Variants in WASHC4 observed in about 807,000 individuals in gnomAD.
WASHC4 encodes WASH complex subunit 4.
In WASHC4, 86 loss-of-function variants were observed where a neutral mutation model predicts 166.6. The observed-to-expected ratio is 0.52, with a 90% confidence interval of 0.43 to 0.62. WASHC4 has a LOEUF of 0.62. Ranked by LOEUF, WASHC4 falls within the 20% of genes least tolerant of loss-of-function variation. The pLI is 0.00. For synonymous variants in WASHC4, 446 were observed against 451.6 expected (o/e 0.99, Z 0.16); for missense variants, 1,262 against 1,382.4 (o/e 0.91, Z 1.38).
rs1305104406 is a variant in WASHC4, at chr12:105,164,158, T to G, written c.3205T>G (p.Ser1069Ala). 1 of 1,614,166 alleles carries G rather than the reference T, an allele frequency of 6.2e-7. No individual in the cohort carries two copies. Among genetic ancestry groups the G allele is most frequent in the East Asian group, 2.2e-5 (1 of 44,870 alleles). The change falls in exon 31 of 33, where the codon TCA becomes GCA. Residue 1069 changes from serine to alanine, a missense_variant. By Grantham distance (99) the Ser-to-Ala change is moderately conservative (BLOSUM62 1). Transcript: ENST00000332180. ...TTTGGATCAGTATCGGGAGTTTGAT[T>G]CACTTCACTGGTTCCAGTCTGTTAG... is the stretch of plus-strand genomic sequence containing the variant. ...KLLDQYREFD[S>A]LHWFQSVREK...
intron 29 of WASHC4, among the ~76,000 whole-genome samples, chr12:105,161,915 A>G (rs1331357523): frequency 8.5e-5 from 13 of 152,254 alleles, no homozygotes; most frequent in Non-Finnish European, 1.3e-4. Context: ...TCATAAAATT[A>G]AAATCATAAG....
At chr12:105,144,593 T>G (rs1592896607) in intron 21 of WASHC4, 125 bp from the exon 22 acceptor site, 1 of 1,155,448 alleles carries the variant, frequency 8.7e-7, no homozygotes, top group Non-Finnish European at 1.2e-6. Flanking sequence ...TTTCTCATTT[T>G]TATTAATACC....
rs1365234013 is a variant in WASHC4 at position 105,168,241 on chromosome 12, C to T, written c.*1310C>T. The T allele has an allele frequency of 2.0e-5, 3 of 152,168 alleles. No individual in the cohort carries two copies. Among genetic ancestry groups the T allele is most frequent in the East Asian group, 3.9e-4 (2 of 5,190 alleles). 9.4% of individuals were successfully genotyped at this position (152,168 alleles called of 1,614,324 possible). A position where few individuals can be genotyped will look rare whatever the true frequency, so the allele number is the denominator to read the frequency against. On this transcript the variant is annotated 3_prime_UTR_variant, in exon 33 of 33. Transcript: ENST00000332180. ...GTTAGGGTCAGGGTAACTTGCCAGC[C>T]CAAGATAAATACTTTAATTGTTAAA...
rs35267264 is a variant in WASHC4, at chr12:105,126,095, G to A, written c.878G>A (p.Arg293Gln). ...TFAEEFAHSIRSIFANVEAKL... is the reference protein window; with the variant it reads ...TFAEEFAHSIQSIFANVEAKL... ...GCTGAGGAATTTGCACATAGTATTC[G>A]GTCAATTTTTGCAAATGTAGAAGCC... Residue 293 changes from arginine to glutamine, a missense_variant, in exon 11 of 33, where the codon CGG becomes CAG. By Grantham distance (43) the Arg-to-Gln change is conservative. Coordinates refer to ENST00000332180, the MANE Select transcript of WASHC4 (RefSeq NM_015275.3). 2,768 of 1,612,812 alleles carry A rather than the reference G, an allele frequency of 1.7e-3. 10 individuals carry two copies. Among genetic ancestry groups the A allele is most frequent in the Middle Eastern group, 3.6e-3 (22 of 6,050 alleles).
chr12:105,146,486 A>G lies in WASHC4; in HGVS notation c.2369A>G (p.His790Arg). 1 of 1,603,048 alleles carries G rather than the reference A, an allele frequency of 6.2e-7. No homozygotes were observed. Among genetic ancestry groups the G allele is most frequent in the Non-Finnish European group, 8.5e-7 (1 of 1,170,310 alleles). Residue 790 changes from histidine to arginine, a missense_variant, in exon 23 of 33, where the codon CAT (histidine) becomes CGT (arginine). His to Arg is a conservative substitution (Grantham distance 29). Transcript: ENST00000332180. ...GTTTTAGAAATTATGAGAAACATTC[A>G]TATATTTGTGTCCCGATACCTCTAT... ...LDVLEIMRNI[H>R]IFVSRYLYNL...
intron 7 of WASHC4, among the ~76,000 whole-genome samples, chr12:105,119,973 G>C (rs902294347): frequency 1.3e-5 from 2 of 152,174 alleles, no homozygotes; most frequent in Admixed American, 1.3e-4. Context: ...GCTCATGCCT[G>C]TAATCCCAGC....
Position 105,140,393 on chromosome 12 carries a change from G to T in WASHC4, c.1552G>T (p.Val518Leu), listed in dbSNP as rs1169269307. 2 of 1,606,052 alleles carry T rather than the reference G, an allele frequency of 1.2e-6. No homozygotes were observed. The highest frequency in any genetic ancestry group is 2.2e-5 in the South Asian group (2 of 90,932). ...ACATCAGGCTCTTCATTCTATTTCT[G>T]TGGCCAAGGTATGCAGCTTATTATG... ...LQHQALHSIS[V>L]AKKRVISDKK... Residue 518 changes from valine (V) to leucine (L), a missense_variant, in exon 16 of 33, where the codon GTG becomes TTG. Coordinates refer to ENST00000332180, the MANE Select transcript of WASHC4 (RefSeq NM_015275.3).
chr12:105,140,825 T>C, intron 16 of WASHC4, 74 bp from the exon 17 acceptor site: 2 of 1,401,980 alleles, frequency 1.4e-6, no homozygotes, highest in East Asian at 2.3e-5. Flanking sequence ...ATGGAAAAGA[T>C]AATCAAGAAG....
chr12:105,147,111 A>G lies in WASHC4; in HGVS notation c.2479A>G (p.Ile827Val), dbSNP rs937018087. The G allele has an allele frequency of 2.0e-5, 32 of 1,609,430 alleles. No homozygotes were observed. The highest frequency in any genetic ancestry group is 2.6e-5 in the Non-Finnish European group (31 of 1,175,842). Residue 827 changes from isoleucine to valine, a missense_variant, in exon 24 of 33, where the codon ATT becomes GTT. Transcript: ENST00000332180. ...TAATATTCGGCATATTGCTAATTCA[A>G]TTCGAACACATGGCACGGGAATTAT... ...TINIRHIANSIRTHGTGIMNT... is the reference protein window; with the variant it reads ...TINIRHIANSVRTHGTGIMNT...
chr12:105,143,074 A>T, intron 19 of WASHC4, 53 bp from the exon 20 acceptor site: 1 of 1,086,076 alleles, frequency 9.2e-7, no homozygotes, highest in Non-Finnish European at 1.4e-6. Context: ...AGTATTGTTT[A>T]GATTAGAGAC....
intron 7 of WASHC4, 116 bp downstream of exon 7, chr12:105,118,644 A>G: frequency 1.4e-6 from 1 of 736,416 alleles, no homozygotes; most frequent in Non-Finnish European, 2.5e-6. Context: ...AACACTTATG[A>G]TATTTCAAAC....
intron 6 of WASHC4, among the ~76,000 whole-genome samples, chr12:105,117,816 A>C (rs1880330714): frequency 6.6e-6 from 1 of 152,200 alleles, no homozygotes; most frequent in African/African-American, 2.4e-5. Flanking sequence ...ATAGGTTTAA[A>C]AGTTGAGAGC....
chr12:105,121,615 C>T (rs1592853162), intron 9 of WASHC4, among the ~76,000 whole-genome samples: 1 of 152,198 alleles, frequency 6.6e-6, no homozygotes, highest in Non-Finnish European at 1.5e-5. Context: ...TCAAGTGATT[C>T]TCCTACCTCA....
intron 26 of WASHC4, 133 bp downstream of exon 26, chr12:105,152,584 T>G: frequency 1.5e-6 from 1 of 673,618 alleles, no homozygotes; most frequent in Admixed American, 2.4e-5. Context: ...TGTAATTTTT[T>G]TACCCCCAAA....
At chr12:105,139,274 C>G (rs1242740184) in intron 15 of WASHC4, among the ~76,000 whole-genome samples, 1 of 151,152 alleles carries the variant, frequency 6.6e-6, no homozygotes, top group Non-Finnish European at 1.5e-5. Flanking sequence ...TGTTGCCATC[C>G]TTGTATGTGT....
At chr12:105,128,568 T>C (rs1041245888) in intron 13 of WASHC4, among the ~76,000 whole-genome samples, 6 of 152,204 alleles carry the variant, frequency 3.9e-5, no homozygotes, top group African/African-American at 1.4e-4. Flanking sequence ...GCTCCAATAC[T>C]GGAAACTTTT....
chr12:105,150,327 G>A (rs1883642401), intron 25 of WASHC4, among the ~76,000 whole-genome samples: 1 of 152,184 alleles, frequency 6.6e-6, no homozygotes, highest in African/African-American at 2.4e-5. Context: ...CAGTGCTGCA[G>A]TAACATCTTT....
chr12:105,122,059 A>G, intron 9 of WASHC4, 59 bp from the exon 10 acceptor site: 1 of 1,314,438 alleles, frequency 7.6e-7, no homozygotes, highest in Non-Finnish European at 1.1e-6. Context: ...AAAATTTTTA[A>G]TTTTTAATTT....
At chr12:105,140,672 G>A (rs1352924431) in intron 16 of WASHC4, among the ~76,000 whole-genome samples, 1 of 152,114 alleles carries the variant, frequency 6.6e-6, no homozygotes, top group East Asian at 1.9e-4. Context: ...TGATTTCTTA[G>A]TAAATTAACA....
Sources: gnomAD v4.1 joint callset for allele counts (sites outside exome capture counted in the v4.1 genomes callset) on GRCh38, gnomAD v4.1.1 for gene constraint, MANE v1.5 for transcripts, NCBI Gene and HGNC (gene_info 2026-07-23, HGNC 2026-07-21) for gene names.